Variants in NMNAT2 observed in about 807,000 individuals in gnomAD.
NMNAT2 encodes the protein nicotinamide/nicotinic acid mononucleotide adenylyltransferase 2.
In NMNAT2, 11 loss-of-function variants were observed where a neutral mutation model predicts 41.6. The observed-to-expected ratio is 0.26, with a 90% CI of 0.17 to 0.44. The LOEUF is 0.44. Ranked by LOEUF, NMNAT2 falls within the 20% of genes least tolerant of loss-of-function variation. The pLI is 1.00. For missense variants in NMNAT2, 288 were observed against 407.7 expected, an observed-to-expected ratio of 0.71 and a Z score of 2.53; for synonymous variants, 148 against 151.2, an observed-to-expected ratio of 0.98 and a Z score of 0.16.
intron 1 of NMNAT2, among the ~76,000 whole-genome samples, chr1:183,408,901 T>C (rs1649040414): frequency 6.6e-6 from 1 of 152,192 alleles, no homozygotes; most frequent in Admixed American, 6.5e-5. Context: ...AAAGATCTTG[T>C]AGTTGATGTG....
At chr1:183,340,852 C>G (rs1225665595) in intron 1 of NMNAT2, among the ~76,000 whole-genome samples, 1 of 152,196 alleles carries the variant, frequency 6.6e-6, no homozygotes, top group East Asian at 1.9e-4. Flanking sequence ...GACCTAAAAG[C>G]CCCACCTAAC....
At chr1:183,307,632 A>T (rs1276022872) in intron 1 of NMNAT2, among the ~76,000 whole-genome samples, 1 of 152,082 alleles carries the variant, frequency 6.6e-6, no homozygotes, top group African/African-American at 2.4e-5. Flanking sequence ...TAATAGAGAC[A>T]GGGTTTCACC....
intron 10 of NMNAT2, among the ~76,000 whole-genome samples, chr1:183,258,124 A>T (rs773894818): frequency 6.6e-6 from 1 of 152,126 alleles, no homozygotes; most frequent in African/African-American, 2.4e-5. Context: ...CATGGAGGAG[A>T]GGCACCAACA....
intron 1 of NMNAT2, among the ~76,000 whole-genome samples, chr1:183,344,919 G>C (rs975914708): frequency 2.0e-5 from 3 of 152,098 alleles, no homozygotes; most frequent in African/African-American, 7.2e-5. Flanking sequence ...CTCCCCATCC[G>C]GGGGCCAATT....
intron 1 of NMNAT2, among the ~76,000 whole-genome samples, chr1:183,317,241 G>A (rs760091341): frequency 1.3e-5 from 2 of 152,154 alleles, no homozygotes; most frequent in Non-Finnish European, 2.9e-5. Flanking sequence ...CCGTATTTCA[G>A]CCCACATCCT....
intron 10 of NMNAT2, among the ~76,000 whole-genome samples, chr1:183,260,727 G>C (rs1660634321): frequency 6.6e-6 from 1 of 151,146 alleles, no homozygotes; most frequent in Non-Finnish European, 1.5e-5. Context: ...GCAGAGGTAG[G>C]AGAATTGCTT....
In NMNAT2 at chr1:183,395,248, T is replaced by C. The variant is rs74129759; in HGVS notation, c.85+22935A>G. Among the ~76,000 whole-genome samples the C allele has an allele frequency of 6.3e-3, 963 of 151,890 alleles. 9 individuals carry two copies. The highest frequency in any genetic ancestry group is 0.022 in the African/African-American group (916 of 41,434). The stretch of plus-strand genomic sequence containing the variant: ...CATCTGACCAGAGTTTAACTAGCAG[T>C]GGTGGATTTTGCTTGTTGAGCAGGG... On this transcript the variant is annotated intron_variant, in intron 1 of 10. Coordinates refer to ENST00000287713, the MANE Select transcript of NMNAT2 (RefSeq NM_015039.4).
At chr1:183,380,267 C>T (rs1663773712) in intron 1 of NMNAT2, among the ~76,000 whole-genome samples, 1 of 152,092 alleles carries the variant, frequency 6.6e-6, no homozygotes, top group Non-Finnish European at 1.5e-5. Flanking sequence ...TAATGCTAAC[C>T]TTACCCCTGA....
intron 1 of NMNAT2, among the ~76,000 whole-genome samples, chr1:183,302,542 T>C (rs1287862186): frequency 2.0e-5 from 3 of 152,202 alleles, no homozygotes; most frequent in Non-Finnish European, 4.4e-5. Context: ...AGCCAATTCC[T>C]AGAGATAGCG....
chr1:183,364,703 ATTG>A (rs1663379891), intron 1 of NMNAT2, among the ~76,000 whole-genome samples: 1 of 45,718 alleles, frequency 2.2e-5, no homozygotes, highest in Non-Finnish European at 5.3e-5. Flanking sequence ...TGTTGTTGTT[ATTG>A]TTTGAGACGG....
rs1000249111 is a variant in NMNAT2 at position 183,321,728 on chromosome 1, C to T, written c.86-27935G>A. On this transcript the variant is annotated intron_variant, in intron 1 of 10. Coordinates refer to ENST00000287713, the MANE Select transcript of NMNAT2 (RefSeq NM_015039.4). ...CAGCCTGGGCAACAGAGTGAGACTC[C>T]ATCTCAAAAAAAAGAAAAAAAAAAG... Among the ~76,000 whole-genome samples the T allele has an allele frequency of 2.7e-5, 4 of 149,880 alleles. No individual in the cohort carries two copies. In the East Asian group the frequency reaches 7.8e-4, roughly 29 times the overall value.
chr1:183,364,411 T>C (rs1663370489), intron 1 of NMNAT2, among the ~76,000 whole-genome samples: 1 of 152,338 alleles, frequency 6.6e-6, no homozygotes, highest in Non-Finnish European at 1.5e-5. Context: ...TTCATCTGTA[T>C]ACAATCACTA....
At chr1:183,310,663 A>G (rs1344591673) in intron 1 of NMNAT2, among the ~76,000 whole-genome samples, 1 of 152,210 alleles carries the variant, frequency 6.6e-6, no homozygotes, top group East Asian at 1.9e-4. Flanking sequence ...GGCAGAAGCC[A>G]GGGGTTTTGC....
intron 1 of NMNAT2, among the ~76,000 whole-genome samples, chr1:183,350,760 T>C (rs935404405): frequency 2.0e-5 from 3 of 152,214 alleles, no homozygotes; most frequent in Non-Finnish European, 4.4e-5. Flanking sequence ...TTAAACATAA[T>C]TTCACTTAAT....
At chr1:183,277,318 A>G (rs754616356) in intron 8 of NMNAT2, among the ~76,000 whole-genome samples, 6 of 152,012 alleles carry the variant, frequency 3.9e-5, no homozygotes, top group Non-Finnish European at 7.4e-5. Flanking sequence ...TTCTGTCTCT[A>G]CTAAAAATAC....
intron 9 of NMNAT2, 61 bp downstream of exon 9, chr1:183,261,141 G>T: frequency 6.2e-7 from 1 of 1,600,252 alleles, no homozygotes; most frequent in Non-Finnish European, 8.6e-7. Context: ...CACTCCTCCA[G>T]CTGCCAGGAC....
intron 1 of NMNAT2, among the ~76,000 whole-genome samples, chr1:183,353,937 T>C (rs1392500080): frequency 6.6e-6 from 1 of 152,086 alleles, no homozygotes; most frequent in Non-Finnish European, 1.5e-5. Flanking sequence ...CTCCATTCCC[T>C]CTCTAGCAGA....
intron 1 of NMNAT2, among the ~76,000 whole-genome samples, chr1:183,402,027 A>G (rs905656599): frequency 1.3e-5 from 2 of 152,012 alleles, no homozygotes; most frequent in African/African-American, 4.8e-5. Context: ...TATGTAACAA[A>G]CCTGCACGTT....
At chr1:183,372,270 A>G (rs1020256791) in intron 1 of NMNAT2, among the ~76,000 whole-genome samples, 1 of 152,240 alleles carries the variant, frequency 6.6e-6, no homozygotes, top group Non-Finnish European at 1.5e-5. Flanking sequence ...AGCAGAGGCT[A>G]TCCATCAAAC....
Sources: allele counts gnomAD v4.1 joint callset (sites outside exome capture counted in the v4.1 genomes callset), GRCh38; gene constraint gnomAD v4.1.1; transcripts MANE v1.5; gene names NCBI Gene and HGNC (gene_info 2026-07-23, HGNC 2026-07-21).